The following GRIN2A variants were observed in gnomAD, a reference collection of about 807,000 sequenced individuals.
GRIN2A encodes glutamate receptor ionotropic, NMDA 2A.
A neutral mutation model predicts 113.4 loss-of-function variants in GRIN2A; 22 were observed. That is an observed-to-expected ratio of 0.19 (90% CI 0.14 to 0.28). GRIN2A has a LOEUF of 0.28. GRIN2A is among the 10% of genes least tolerant of loss of function. GRIN2A has a pLI of 1.00. For missense variants in GRIN2A, 1,502 were observed against 1,887.0 expected (o/e 0.80, Z 3.78); for synonymous variants, 827 against 738.4 (o/e 1.12, Z -1.94).
At chr16:9,946,472 T>C in intron 2 of GRIN2A, among the ~76,000 whole-genome samples, 1 of 152,204 alleles carries the variant, frequency 6.6e-6, no homozygotes, top group East Asian at 1.9e-4. Context: ...TCTGTGCCTC[T>C]GAAACTATTT....
At chr16:10,154,725 C>T (rs1261915299) in intron 2 of GRIN2A, among the ~76,000 whole-genome samples, 3 of 152,180 alleles carry the variant, frequency 2.0e-5, no homozygotes, top group Non-Finnish European at 4.4e-5. Context: ...TGGGGGACAG[C>T]AGTCCAAGGT....
At chr16:9,831,788 T>C (rs1596474155) in intron 8 of GRIN2A, among the ~76,000 whole-genome samples, 2 of 152,210 alleles carry the variant, frequency 1.3e-5, no homozygotes, top group South Asian at 4.1e-4. Context: ...AGTGCTGGGA[T>C]TACAGGCATG....
chr16:10,112,008 G>A (rs4782259), intron 2 of GRIN2A: 652,005 of 667,006 alleles, frequency 0.98, 320,082 homozygotes, highest in East Asian at 1. Flanking sequence ...GAAGCTGCCT[G>A]TGGTCAATGA....
At chr16:10,102,529 CT>C (rs1051514427) in intron 2 of GRIN2A, among the ~76,000 whole-genome samples, 13 of 152,184 alleles carry the variant, frequency 8.5e-5, no homozygotes, top group Non-Finnish European at 5.9e-5. Context: ...TTTCTTTCTT[CT>C]TTTTTTCTTT....
intron 2 of GRIN2A, among the ~76,000 whole-genome samples, chr16:10,044,007 G>GTGTATATATATATA (rs1555469968): frequency 6.0e-5 from 7 of 116,934 alleles, no homozygotes; most frequent in African/African-American, 2.3e-4. Flanking sequence ...GTGTGTGTGT[G>GTGTATATATATATA]TATATATATA....
intron 2 of GRIN2A, among the ~76,000 whole-genome samples, chr16:10,106,992 A>G (rs764820025): frequency 5.9e-5 from 9 of 151,938 alleles, no homozygotes; most frequent in Non-Finnish European, 1.3e-4. Flanking sequence ...TGTTCATCTC[A>G]TAAATGGACA....
rs549728251 is a variant in GRIN2A, at chr16:9,981,289, T to A, written c.415-42738A>T. On this transcript the variant is annotated intron_variant, in intron 2 of 12. Coordinates refer to ENST00000330684, the MANE Select transcript of GRIN2A (RefSeq NM_001134407.3). ...CAATCATGTCTCAAGGTAATTGGGC[T>A]GGTAGATGTTTACCTATCTGCAAAG... Among the ~76,000 whole-genome samples, 5 of 152,374 alleles carry A rather than the reference T, an allele frequency of 3.3e-5. No individual in the cohort carries two copies. The East Asian group carries it at 9.6e-4, about 29-fold the overall frequency.
intron 2 of GRIN2A, among the ~76,000 whole-genome samples, chr16:10,090,949 T>C (rs2048173594): frequency 6.6e-6 from 1 of 152,174 alleles, no homozygotes; most frequent in Non-Finnish European, 1.5e-5. Flanking sequence ...GAGTTAAACA[T>C]CATTAGTCAT....
At chr16:9,784,276 A>G (rs1596401394) in intron 11 of GRIN2A, among the ~76,000 whole-genome samples, 1 of 152,016 alleles carries the variant, frequency 6.6e-6, no homozygotes, top group Admixed American at 6.6e-5. Flanking sequence ...CTACAAATAC[A>G]AAAATTAGCC....
At chr16:10,102,630 T>C (rs540148860) in intron 2 of GRIN2A, among the ~76,000 whole-genome samples, 2 of 152,278 alleles carry the variant, frequency 1.3e-5, no homozygotes, top group Admixed American at 6.5e-5. Context: ...CACTGCAACC[T>C]TCGCCTCCTA....
At chr16:9,858,259 TATA>T (rs1294106625) in intron 4 of GRIN2A, among the ~76,000 whole-genome samples, 1 of 152,208 alleles carries the variant, frequency 6.6e-6, no homozygotes, top group Non-Finnish European at 1.5e-5. Flanking sequence ...CTTGAGTTCT[TATA>T]ATAACAGTAA....
intron 10 of GRIN2A, among the ~76,000 whole-genome samples, chr16:9,806,163 T>A (rs1459099901): frequency 6.6e-6 from 1 of 152,220 alleles, no homozygotes; most frequent in Non-Finnish European, 1.5e-5. Context: ...CTGGGGTCAA[T>A]TCTTTTGTGT....
chr16:10,155,559 T>C (rs1097784), intron 2 of GRIN2A, among the ~76,000 whole-genome samples: 70,541 of 152,116 alleles, frequency 0.46, 17,426 homozygotes, highest in East Asian at 0.85. Context: ...ATGATTATAA[T>C]GTTTGGTATA....
chr16:10,151,760 C>T (rs2049580367), intron 2 of GRIN2A, among the ~76,000 whole-genome samples: 1 of 152,180 alleles, frequency 6.6e-6, no homozygotes, highest in Non-Finnish European at 1.5e-5. Flanking sequence ...AACTTAGTCT[C>T]TACCAAGGCC....
intron 9 of GRIN2A, among the ~76,000 whole-genome samples, chr16:9,826,175 G>A (rs1321268358): frequency 6.6e-5 from 10 of 152,052 alleles, no homozygotes; most frequent in Admixed American, 5.9e-4. Flanking sequence ...AAGCCTAAGG[G>A]GATACTGACA....
chr16:9,947,889 T>A (rs79150548), intron 2 of GRIN2A, among the ~76,000 whole-genome samples: 1,715 of 152,174 alleles, frequency 0.011, 25 homozygotes, highest in Non-Finnish European at 0.019. Context: ...GCTCCATTAA[T>A]GAGAGCTGTG....
chr16:10,147,277 G>A (rs1327243907), intron 2 of GRIN2A, among the ~76,000 whole-genome samples: 1 of 151,922 alleles, frequency 6.6e-6, no homozygotes. Flanking sequence ...TTCAAAGACT[G>A]AGAAACCCTG....
chr16:9,818,644 G>A (rs1275202976), intron 10 of GRIN2A, among the ~76,000 whole-genome samples: 1 of 152,108 alleles, frequency 6.6e-6, no homozygotes, highest in Non-Finnish European at 1.5e-5. Context: ...AGGAATTGCC[G>A]ATGGCTCTTA....
At chr16:9,893,169 A>T (rs1029996003) in intron 3 of GRIN2A, among the ~76,000 whole-genome samples, 2 of 152,226 alleles carry the variant, frequency 1.3e-5, no homozygotes, top group Non-Finnish European at 2.9e-5. Context: ...GGGTCATTGA[A>T]AATCATGTTT....
Sources: allele counts gnomAD v4.1 joint callset (sites outside exome capture counted in the v4.1 genomes callset), GRCh38; gene constraint gnomAD v4.1.1; transcripts MANE v1.5; gene names NCBI Gene and HGNC (gene_info 2026-07-23, HGNC 2026-07-21).